The following ACYP2 variants were observed in gnomAD, a reference collection of about 807,000 sequenced individuals.
ACYP2 encodes the protein acylphosphatase 2.
A neutral mutation model predicts 11.2 loss-of-function variants in ACYP2; 12 were observed. That is an observed-to-expected ratio of 1.08 (90% CI 0.69 to 1.74). The LOEUF is 1.74. Among genes scored for constraint, ACYP2 ranks in the 40% most tolerant of loss-of-function variants. The pLI, the probability that ACYP2 is intolerant of heterozygous loss-of-function variation, is 0.00. For synonymous variants in ACYP2, 43 were observed against 32.2 expected (o/e 1.33, Z -1.13); for missense variants, 134 against 101.9 (o/e 1.31, Z -1.35).
chr2:54,037,703 C>T (rs776638762), intron 2 of ACYP2, among the ~76,000 whole-genome samples: 53 of 152,024 alleles, frequency 3.5e-4, no homozygotes, highest in Non-Finnish European at 6.5e-4. Flanking sequence ...CCATAATGCC[C>T]GGCCTAAAAC....
At chr2:53,997,425 C>G (rs906412848) in intron 2 of ACYP2, among the ~76,000 whole-genome samples, 1 of 152,108 alleles carries the variant, frequency 6.6e-6, no homozygotes, top group Admixed American at 6.6e-5. Flanking sequence ...CATGCCTCAG[C>G]CTACTGAGTA....
rs547460644 is a variant in ACYP2 at position 54,256,650 on chromosome 2, A to G, written c.405-48038A>G. ...ATATTTCCTCCCACTCTGTGGGGTT[A>G]CTTTTCTTTTGGACTCGTAGTTTCG... On this transcript the variant is annotated intron_variant, in intron 6 of 6. Coordinates refer to ENST00000607452, the MANE Select transcript of ACYP2 (RefSeq NM_001320586.2). Among the ~76,000 whole-genome samples the G allele has an allele frequency of 1.1e-4, 16 of 152,138 alleles. No homozygotes were observed. In the South Asian group the frequency reaches 3.3e-3, roughly 32 times the overall value.
At chr2:54,219,398 A>G (rs534268368) in intron 6 of ACYP2, among the ~76,000 whole-genome samples, 1 of 152,272 alleles carries the variant, frequency 6.6e-6, no homozygotes, top group East Asian at 1.9e-4. Context: ...ATAAGTTGAG[A>G]CAACATAATG....
At chr2:54,190,820 T>C (rs7585336) in intron 6 of ACYP2, among the ~76,000 whole-genome samples, 1,661 of 152,258 alleles carry the variant, frequency 0.011, 27 homozygotes, top group African/African-American at 0.038. Flanking sequence ...CATATTAAAC[T>C]TAGTGTGTTC....
intron 1 of ACYP2, among the ~76,000 whole-genome samples, chr2:53,971,533 A>T (rs1671115481): frequency 6.6e-6 from 1 of 152,202 alleles, no homozygotes; most frequent in South Asian, 2.1e-4. Context: ...CGCTGAACAA[A>T]TGCTATTTGA....
intron 6 of ACYP2, among the ~76,000 whole-genome samples, chr2:54,283,985 C>T (rs1234497263): frequency 1.3e-5 from 2 of 152,186 alleles, no homozygotes; most frequent in Non-Finnish European, 2.9e-5. Context: ...CATCGTGGCA[C>T]CTGTAATCCC....
intron 2 of ACYP2, among the ~76,000 whole-genome samples, chr2:53,986,323 C>A (rs1276599766): frequency 2.0e-5 from 3 of 148,010 alleles, no homozygotes; most frequent in Non-Finnish European, 3.0e-5. Context: ...GCCTGCAGAA[C>A]CTTGAGCCAA....
intron 6 of ACYP2, among the ~76,000 whole-genome samples, chr2:54,216,598 C>T (rs925523590): frequency 4.6e-5 from 7 of 150,718 alleles, no homozygotes; most frequent in South Asian, 2.1e-4. Flanking sequence ...AACGCAGTGG[C>T]GCAGTCTCAG....
intron 4 of ACYP2, among the ~76,000 whole-genome samples, chr2:54,131,446 G>A (rs1221208397): frequency 3.9e-5 from 6 of 152,148 alleles, no homozygotes; most frequent in Non-Finnish European, 8.8e-5. Context: ...TTCCCTCTTT[G>A]GGCAGCTCCA....
chr2:54,014,300 C>A (rs1389849345), intron 2 of ACYP2, among the ~76,000 whole-genome samples: 4 of 151,978 alleles, frequency 2.6e-5, no homozygotes, highest in African/African-American at 9.7e-5. Flanking sequence ...TCAGGATTAT[C>A]TTCACTTTAT....
intron 4 of ACYP2, among the ~76,000 whole-genome samples, chr2:54,068,454 T>A (rs1321962926): frequency 6.6e-6 from 1 of 152,192 alleles, no homozygotes; most frequent in Non-Finnish European, 1.5e-5. Context: ...CTGGCTATGA[T>A]ATGTATGTAA....
chr2:54,027,837 C>CTTTCTTTTT (rs772573473), intron 2 of ACYP2, among the ~76,000 whole-genome samples: 19 of 97,872 alleles, frequency 1.9e-4, no homozygotes, highest in African/African-American at 5.0e-4. Context: ...TTCTTTCTTT[C>CTTTCTTTTT]TTTTTTTTTT....
intron 6 of ACYP2, among the ~76,000 whole-genome samples, chr2:54,281,406 G>A (rs1001238312): frequency 2.6e-5 from 4 of 152,222 alleles, no homozygotes; most frequent in African/African-American, 9.6e-5. Context: ...AGGAGATACA[G>A]ATGTCTCTGT....
intron 6 of ACYP2, among the ~76,000 whole-genome samples, chr2:54,288,534 C>T (rs1048568386): frequency 1.3e-5 from 2 of 152,020 alleles, no homozygotes; most frequent in African/African-American, 4.8e-5. Flanking sequence ...TAGTGCATTT[C>T]CCTCAAAAGG....
rs536750930 is a variant in ACYP2 at position 54,048,651 on chromosome 2, C to A, written c.63-2307C>A. On this transcript the variant is annotated intron_variant, in intron 2 of 6. Coordinates refer to ENST00000607452, the MANE Select transcript of ACYP2 (RefSeq NM_001320586.2). ...GAGTAGCTGTGATTACAGGCACATG[C>A]CACCATGACCTACAACCATTTTTTA... Among the ~76,000 whole-genome samples the A allele has an allele frequency of 8.5e-4, 129 of 152,284 alleles. 1 individual carries two copies. The highest frequency in any genetic ancestry group is 3.1e-3 in the Admixed American group (47 of 15,306).
chr2:54,157,185 A>C (rs1169757473), intron 6 of ACYP2, among the ~76,000 whole-genome samples: 2 of 152,016 alleles, frequency 1.3e-5, no homozygotes, highest in Non-Finnish European at 2.9e-5. Context: ...AGTCCTATAC[A>C]TTTTTTCCTA....
intron 6 of ACYP2, among the ~76,000 whole-genome samples, chr2:54,297,896 C>T (rs1267831508): frequency 1.3e-5 from 2 of 152,050 alleles, no homozygotes; most frequent in Non-Finnish European, 2.9e-5. Context: ...GTTAGAATTG[C>T]CACTTTTCTC....
intron 4 of ACYP2, among the ~76,000 whole-genome samples, chr2:54,131,896 G>A (rs771223767): frequency 2.0e-5 from 3 of 152,158 alleles, no homozygotes; most frequent in Non-Finnish European, 4.4e-5. Flanking sequence ...GTTCCTTGGA[G>A]GAGGGGCCCA....
chr2:54,207,991 A>C (rs1159661241), intron 6 of ACYP2, among the ~76,000 whole-genome samples: 3 of 152,132 alleles, frequency 2.0e-5, no homozygotes, highest in African/African-American at 4.8e-5. Context: ...GCCTGTTATA[A>C]CACAGAGTGT....
Sources: gnomAD v4.1 joint callset for allele counts (sites outside exome capture counted in the v4.1 genomes callset) on GRCh38, gnomAD v4.1.1 for gene constraint, MANE v1.5 for transcripts, NCBI Gene and HGNC (gene_info 2026-07-23, HGNC 2026-07-21) for gene names.